The following PTPRD variants were observed in gnomAD, a reference collection of about 807,000 sequenced individuals.
The protein encoded by PTPRD is receptor-type tyrosine-protein phosphatase delta.
PTPRD carries 34 observed loss-of-function variants against 214.5 expected under a neutral mutation model. The observed-to-expected ratio is 0.16, with a 90% confidence interval of 0.12 to 0.21. The LOEUF is 0.21. Ranked by LOEUF, PTPRD falls within the 10% of genes least tolerant of loss-of-function variation. The pLI, the probability that PTPRD is intolerant of heterozygous loss-of-function variation, is 1.00. For synonymous variants in PTPRD, 1,128 were observed against 845.7 expected, an observed-to-expected ratio of 1.33 and a Z score of -5.79; for missense variants, 2,545 against 2,398.7, an observed-to-expected ratio of 1.06 and a Z score of -1.27.
At chr9:9,859,888 T>A (rs2062346760) in intron 5 of PTPRD, among the ~76,000 whole-genome samples, 2 of 152,204 alleles carry the variant, frequency 1.3e-5, no homozygotes, top group South Asian at 4.1e-4. Flanking sequence ...TACCAGTATA[T>A]TTGTACCTAT....
intron 35 of PTPRD, among the ~76,000 whole-genome samples, chr9:8,433,963 C>T (rs1336520760): frequency 2.0e-5 from 3 of 151,564 alleles, no homozygotes; most frequent in African/African-American, 4.9e-5. Context: ...AAGTGTCCTA[C>T]ATAGGGGCAC....
In PTPRD at chr9:10,182,259, C is replaced by CAAAA. The variant is rs3075574; in HGVS notation, c.-544-148473_-544-148470dup. Among the ~76,000 whole-genome samples the CAAAA allele has an allele frequency of 1.1e-3, 61 of 54,312 alleles. 2 individuals carry two copies. The highest frequency in any genetic ancestry group is 0.013 in the Middle Eastern group (1 of 80). The allele number at this position is 54,312 out of a possible 152,430, so 35.6% of individuals were successfully genotyped here. On this transcript the variant is annotated intron_variant, in intron 3 of 45. Coordinates refer to ENST00000381196, the MANE Select transcript of PTPRD (RefSeq NM_002839.4). ...TGGGCAGCACAGTGAGACTCTGCCT[C>CAAAA]AAAAAAAAAAAAAAAAAAAAGAAAA...
intron 11 of PTPRD, among the ~76,000 whole-genome samples, chr9:8,789,810 T>C (rs1045995972): frequency 2.0e-5 from 3 of 152,074 alleles, no homozygotes; most frequent in African/African-American, 7.2e-5. Context: ...AAATTCCAGG[T>C]GGATTGAAGA....
At chr9:10,169,221 T>A (rs908900296) in intron 3 of PTPRD, among the ~76,000 whole-genome samples, 1 of 152,056 alleles carries the variant, frequency 6.6e-6, no homozygotes. Flanking sequence ...ACGCCTGTAA[T>A]CCCAGCACTT....
At chr9:10,485,973 G>A (rs1227613959) in intron 2 of PTPRD, among the ~76,000 whole-genome samples, 2 of 151,520 alleles carry the variant, frequency 1.3e-5, no homozygotes, top group East Asian at 3.9e-4. Flanking sequence ...CTCATTGGCT[G>A]CATAAATGTC....
At chr9:9,451,397 G>C (rs766040537) in intron 8 of PTPRD, among the ~76,000 whole-genome samples, 9 of 151,608 alleles carry the variant, frequency 5.9e-5, no homozygotes, top group Non-Finnish European at 1.0e-4. Flanking sequence ...TTAATAACAA[G>C]AATTCATGCA....
At chr9:9,937,962 T>C (rs1233090766) in intron 5 of PTPRD, among the ~76,000 whole-genome samples, 1 of 152,306 alleles carries the variant, frequency 6.6e-6, no homozygotes, top group African/African-American at 2.4e-5. Context: ...ATAACTGGAA[T>C]TGGAGGCAGA....
chr9:9,117,684 C>G (rs1323286643), intron 10 of PTPRD, among the ~76,000 whole-genome samples: 1 of 152,074 alleles, frequency 6.6e-6, no homozygotes, highest in African/African-American at 2.4e-5. Context: ...AATCCCTAGT[C>G]TTTCCTAGAA....
intron 12 of PTPRD, among the ~76,000 whole-genome samples, chr9:8,691,889 A>G (rs1010780220): frequency 1.3e-5 from 2 of 152,158 alleles, no homozygotes; most frequent in South Asian, 4.1e-4. Context: ...TTCAACAACA[A>G]AAGTCTTGAA....
intron 14 of PTPRD, among the ~76,000 whole-genome samples, chr9:8,557,875 T>C (rs1192967550): frequency 6.7e-6 from 1 of 150,286 alleles, no homozygotes; most frequent in South Asian, 2.1e-4. Context: ...GGTATACATA[T>C]CAAGAAACAA....
At chr9:9,489,954 T>A (rs2095829788) in intron 8 of PTPRD, among the ~76,000 whole-genome samples, 1 of 151,960 alleles carries the variant, frequency 6.6e-6, no homozygotes, top group Non-Finnish European at 1.5e-5. Context: ...TCAAGACAGG[T>A]TGTCAACAAA....
At chr9:10,435,066 T>C (rs1197302142) in intron 2 of PTPRD, among the ~76,000 whole-genome samples, 1 of 151,904 alleles carries the variant, frequency 6.6e-6, no homozygotes, top group Non-Finnish European at 1.5e-5. Flanking sequence ...CAAGTAAGAA[T>C]ATTTTTTGAA....
At chr9:8,830,711 T>G (rs2154529496) in intron 11 of PTPRD, among the ~76,000 whole-genome samples, 1 of 152,202 alleles carries the variant, frequency 6.6e-6, no homozygotes, top group African/African-American at 2.4e-5. Flanking sequence ...AAAGGAAGAC[T>G]TTTTAAAAAG....
intron 3 of PTPRD, among the ~76,000 whole-genome samples, chr9:10,065,131 T>A (rs1226756179): frequency 3.1e-5 from 1 of 31,926 alleles, no homozygotes; most frequent in African/African-American, 1.3e-4. Flanking sequence ...TACTTTGTTG[T>A]GACTTGGATT....
chr9:9,017,950 G>A (rs2099543243), intron 11 of PTPRD, among the ~76,000 whole-genome samples: 1 of 151,722 alleles, frequency 6.6e-6, no homozygotes, highest in Admixed American at 6.6e-5. Context: ...TTACTACTTT[G>A]TATTTGTTCC....
At chr9:10,554,692 G>A (rs1057395639) in intron 2 of PTPRD, among the ~76,000 whole-genome samples, 4 of 150,910 alleles carry the variant, frequency 2.7e-5, no homozygotes, top group Admixed American at 6.6e-5. Context: ...ATGGAGTCTC[G>A]CTTTGTCGCT....
At chr9:9,837,447 C>T (rs548032558) in intron 5 of PTPRD, among the ~76,000 whole-genome samples, 105 of 152,168 alleles carry the variant, frequency 6.9e-4, no homozygotes, top group Non-Finnish European at 1.2e-3. Context: ...CTTTTGGAAG[C>T]CTTCCCCATT....
At chr9:8,580,920 A>G (rs2093010583) in intron 14 of PTPRD, among the ~76,000 whole-genome samples, 1 of 152,248 alleles carries the variant, frequency 6.6e-6, no homozygotes, top group African/African-American at 2.4e-5. Context: ...CCTATTTCCC[A>G]ATAGGTTTGC....
intron 35 of PTPRD, among the ~76,000 whole-genome samples, chr9:8,413,350 C>G (rs1564631675): frequency 6.6e-6 from 1 of 152,122 alleles, no homozygotes; most frequent in Non-Finnish European, 1.5e-5. Flanking sequence ...TCAGTCAATG[C>G]ATTTCAAATC....
Sources: gnomAD v4.1 joint callset for allele counts (sites outside exome capture counted in the v4.1 genomes callset) on GRCh38, gnomAD v4.1.1 for gene constraint, MANE v1.5 for transcripts, NCBI Gene and HGNC (gene_info 2026-07-23, HGNC 2026-07-21) for gene names.